Variants in RAD51B observed in about 807,000 individuals in gnomAD.
RAD51B encodes the protein RAD51 paralog B.
A neutral mutation model predicts 42.2 loss-of-function variants in RAD51B; 38 were observed. The ratio of observed to expected loss-of-function variants is 0.90; its 90% confidence interval spans 0.70 to 1.18. RAD51B has a LOEUF of 1.18. Among genes scored for constraint, RAD51B ranks in the 50% most tolerant of loss-of-function variants. The pLI, the probability that RAD51B is intolerant of heterozygous loss-of-function variation, is 0.00. For synonymous variants in RAD51B, 154 were observed against 145.2 expected (o/e 1.06, Z -0.43); for missense variants, 373 against 400.7 (o/e 0.93, Z 0.59).
chr14:68,545,714 G>A (rs1416288832), intron 10 of RAD51B: 8 of 445,970 alleles, frequency 1.8e-5, no homozygotes, highest in Non-Finnish European at 3.2e-5. Context: ...TTATCTGCTT[G>A]TTATCTGCCA....
chr14:68,617,206 ATTGAG>A (rs1256592523), intron 10 of RAD51B, among the ~76,000 whole-genome samples: 1 of 152,180 alleles, frequency 6.6e-6, no homozygotes, highest in Non-Finnish European at 1.5e-5. Context: ...TTTAAGGAGT[ATTGAG>A]TTTTTATCCA....
intron 7 of RAD51B, among the ~76,000 whole-genome samples, chr14:67,919,470 G>T (rs1197826785): frequency 6.6e-6 from 1 of 152,104 alleles, no homozygotes; most frequent in Non-Finnish European, 1.5e-5. Flanking sequence ...CAGAGACGGC[G>T]CCAGAGGAAT....
chr14:68,339,233 G>A, intron 8 of RAD51B: 1 of 1,152,310 alleles, frequency 8.7e-7, no homozygotes, highest in East Asian at 2.4e-5. Context: ...TGTACTTGTG[G>A]GCCAGCTTAA....
At chr14:68,323,654 G>A (rs2082196425) in intron 8 of RAD51B, among the ~76,000 whole-genome samples, 1 of 152,186 alleles carries the variant, frequency 6.6e-6, no homozygotes, top group African/African-American at 2.4e-5. Flanking sequence ...AGTTAGCTGG[G>A]TGTGGTGGCA....
At chr14:67,987,406 AT>A (rs888276201) in intron 7 of RAD51B, among the ~76,000 whole-genome samples, 3 of 152,076 alleles carry the variant, frequency 2.0e-5, no homozygotes, top group African/African-American at 7.2e-5. Context: ...AATTGTTTTG[AT>A]TTTAATGGTT....
intron 7 of RAD51B, among the ~76,000 whole-genome samples, chr14:68,081,334 T>C (rs1325555628): frequency 3.9e-5 from 6 of 151,960 alleles, no homozygotes; most frequent in African/African-American, 7.2e-5. Flanking sequence ...CCTCCTCGCA[T>C]GTGCAAGTAG....
chr14:67,966,234 A>G (rs1450151537), intron 7 of RAD51B, among the ~76,000 whole-genome samples: 1 of 152,196 alleles, frequency 6.6e-6, no homozygotes, highest in Non-Finnish European at 1.5e-5. Flanking sequence ...CTTCACACTC[A>G]CATTGGTGCT....
intron 7 of RAD51B, among the ~76,000 whole-genome samples, chr14:68,120,731 G>T (rs1225383488): frequency 2.6e-5 from 4 of 151,962 alleles, no homozygotes; most frequent in Non-Finnish European, 5.9e-5. Flanking sequence ...CTCTTGTCCT[G>T]CTTGGGCCCG....
intron 8 of RAD51B, among the ~76,000 whole-genome samples, chr14:68,334,302 T>C (rs918868474): frequency 6.6e-6 from 1 of 152,204 alleles, no homozygotes; most frequent in African/African-American, 2.4e-5. Flanking sequence ...ATATAATATA[T>C]ACTGTATTCT....
chr14:67,996,403 TAAC>T (rs1244333380), intron 7 of RAD51B, among the ~76,000 whole-genome samples: 1 of 145,686 alleles, frequency 6.9e-6, no homozygotes, highest in Non-Finnish European at 1.5e-5. Flanking sequence ...TCTCAAAAAA[TAAC>T]AACAATAATA....
intron 7 of RAD51B, among the ~76,000 whole-genome samples, chr14:68,142,346 T>G (rs2078146719): frequency 1.3e-5 from 2 of 152,220 alleles, no homozygotes; most frequent in South Asian, 4.1e-4. Context: ...GGTTACGTAT[T>G]TCTGAGTATG....
chr14:68,310,427 G>A (rs575627422), intron 8 of RAD51B, among the ~76,000 whole-genome samples: 56 of 152,266 alleles, frequency 3.7e-4, no homozygotes, highest in African/African-American at 1.3e-3. Context: ...CATGAAGCCT[G>A]TAAACCACAC....
intron 7 of RAD51B, among the ~76,000 whole-genome samples, chr14:67,976,253 A>G (rs1184204894): frequency 1.3e-5 from 2 of 151,854 alleles, no homozygotes; most frequent in Non-Finnish European, 2.9e-5. Flanking sequence ...AGTAGCTGGG[A>G]CCACAGATGC....
intron 7 of RAD51B, among the ~76,000 whole-genome samples, chr14:67,893,493 C>CAAAA (rs1566945246): frequency 2.5e-5 from 2 of 81,194 alleles, no homozygotes; most frequent in African/African-American, 1.2e-4. Flanking sequence ...CACACACACA[C>CAAAA]ACACACACAC....
intron 7 of RAD51B, among the ~76,000 whole-genome samples, chr14:68,179,075 C>T (rs1273847830): frequency 6.6e-6 from 1 of 152,050 alleles, no homozygotes; most frequent in African/African-American, 2.4e-5. Flanking sequence ...TGCCACCTTC[C>T]TGCAGAGTAC....
chr14:67,886,004 T>C lies in RAD51B; in HGVS notation c.572+16T>C. The C allele has an allele frequency of 6.5e-7, 1 of 1,538,836 alleles. No homozygotes were observed. Among genetic ancestry groups the C allele is most frequent in the Non-Finnish European group, 8.8e-7 (1 of 1,131,052 alleles). On this transcript the variant is annotated intron_variant, in intron 6 of 10. Transcript: ENST00000471583. The stretch of plus-strand genomic sequence containing the variant: ...TTCTACAAAGGTATGCTGCTTTAGA[T>C]TTTGATTTTTTAGTAATGCGTTGAA...
At chr14:68,407,883 C>T (rs1353171126) in intron 8 of RAD51B, among the ~76,000 whole-genome samples, 3 of 151,890 alleles carry the variant, frequency 2.0e-5, no homozygotes, top group Non-Finnish European at 2.9e-5. Context: ...GGCAGGTGGG[C>T]GCAGGGTAGA....
intron 10 of RAD51B, among the ~76,000 whole-genome samples, chr14:68,501,711 C>T (rs1361642545): frequency 6.6e-6 from 1 of 152,270 alleles, no homozygotes; most frequent in African/African-American, 2.4e-5. Context: ...TGCCCAAGCT[C>T]AGCTGGCCCG....
rs888680268 is a variant in RAD51B at position 68,563,284 on chromosome 14, C to G, written c.1037-31201C>G. ...AAGCCCCATCCAGAATGGGCCAAGCCGAGCCTGCAATGGGCTTGTTCTCTC... is the reference window on the plus strand; with the variant it reads ...AAGCCCCATCCAGAATGGGCCAAGCGGAGCCTGCAATGGGCTTGTTCTCTC... On this transcript the variant is annotated intron_variant, in intron 10 of 10. Coordinates refer to the RAD51B transcript ENST00000487270. 9.1e-6 allele frequency: 9 copies of G among 985,290 alleles called. No homozygotes were observed. The South Asian group carries it at 3.8e-4, about 41-fold the overall frequency. 61.0% of individuals were successfully genotyped at this position (985,290 alleles called of 1,614,324 possible).
Sources: gnomAD v4.1 joint callset for allele counts (sites outside exome capture counted in the v4.1 genomes callset) on GRCh38, gnomAD v4.1.1 for gene constraint, MANE v1.5 for transcripts, NCBI Gene and HGNC (gene_info 2026-07-23, HGNC 2026-07-21) for gene names.